The following CNNM1 variants were observed in gnomAD, a reference collection of about 807,000 sequenced individuals.
CNNM1 encodes the protein cyclin and CBS domain divalent metal cation transport mediator 1, also known as metal transporter CNNM1.
Under a neutral mutation model 78.8 loss-of-function variants are expected in CNNM1, and 44 were observed. The ratio of observed to expected loss-of-function variants is 0.56; its 90% CI spans 0.44 to 0.72. The LOEUF is 0.72. Among genes scored for constraint, CNNM1 ranks in the 30% least tolerant of loss-of-function variants. CNNM1 has a pLI of 0.00. For missense variants in CNNM1, 1,101 were observed against 1,292.2 expected, an observed-to-expected ratio of 0.85 and a Z score of 2.27; for synonymous variants, 584 against 581.5, an observed-to-expected ratio of 1.00 and a Z score of -0.06.
At position 99,364,450 on chromosome 10, in the gene CNNM1, C is replaced by G. The variant is rs1170486020; in HGVS notation, c.2062C>G (p.Leu688Val). 6.2e-7 allele frequency: 1 copy of G among 1,612,004 alleles called. No homozygotes were observed. The highest frequency in any genetic ancestry group is 1.3e-5 in the African/African-American group (1 of 74,784). ...GGAGGTGGAGGTTGGTAAGGAAGGC[C>G]TTCGCTTTGAAAATGGAGCCTTTAC... ...KVEVEVGKEG[L>V]RFENGAFTYY... The change falls in exon 5 of 11, where the codon CTT (leucine) becomes GTT (valine). Residue 688 changes from leucine (L) to valine (V), a missense_variant. By Grantham distance (32) the Leu-to-Val change is conservative. Transcript: ENST00000356713.
chr10:99,346,042 T>G (rs2030680738), intron 1 of CNNM1, among the ~76,000 whole-genome samples: 2 of 151,938 alleles, frequency 1.3e-5, no homozygotes, highest in Admixed American at 6.6e-5. Flanking sequence ...GACATAGTAG[T>G]GGGAAAGAAG....
rs751849944 is a variant in CNNM1 at position 99,330,414 on chromosome 10, C to A, written c.1027C>A (p.Pro343Thr). 10 of 1,593,746 alleles carry A rather than the reference C, an allele frequency of 6.3e-6. No individual in the cohort carries two copies. In the African/African-American group the frequency reaches 9.4e-5, roughly 15 times the overall value. ...GGTATTCCTGGGCGCCGAAATCTGC[C>A]CCTACTCAGTGTGTTCGCGGCACGG... ...GAVFLGAEIC[P>T]YSVCSRHGLA... Residue 343 changes from proline (P) to threonine (T), a missense_variant, in exon 1 of 11, where the codon CCC becomes ACC. By Grantham distance (38) the Pro-to-Thr change is conservative. Transcript: ENST00000356713.
chr10:99,347,599 A>ACACACACACACACACACACACAC (rs1564942665), intron 1 of CNNM1, among the ~76,000 whole-genome samples: 45 of 151,714 alleles, frequency 3.0e-4, no homozygotes, highest in East Asian at 7.7e-4. Context: ...ACACACACAC[A>ACACACACACACACACACACACAC]AATGTTGCAA....
Position 99,388,240 on chromosome 10 carries a change from CT to C in CNNM1, c.2615del (p.Phe872SerfsTer51). ...LAFTQEEMTD[F>X]EEHSTQQLTL... The stretch of plus-strand genomic sequence containing the variant: ...CCTTCACCCAGGAAGAAATGACTGA[CT>C]TCGAGGAGCACAGCACACAGCAGCT... On this transcript the variant is annotated frameshift_variant, in exon 9 of 11. Transcript: ENST00000356713. LOFTEE classifies it high-confidence loss of function. 6.2e-7 allele frequency: 1 copy of C among 1,613,998 alleles called. No homozygotes were observed. The highest frequency in any genetic ancestry group is 8.5e-7 in the Non-Finnish European group (1 of 1,179,902).
chr10:99,337,512 T>C (rs965784421), intron 1 of CNNM1, among the ~76,000 whole-genome samples: 2 of 152,242 alleles, frequency 1.3e-5, no homozygotes, highest in African/African-American at 4.8e-5. Context: ...CCTGACTAAT[T>C]CATTGCCAGC....
chr10:99,357,679 C>A, intron 2 of CNNM1, 24 bp downstream of exon 2: 1 of 1,555,926 alleles, frequency 6.4e-7, no homozygotes, highest in Non-Finnish European at 8.7e-7. Context: ...CTTGGCTGTT[C>A]TCCAGGGTCA....
chr10:99,379,419 A>G (rs1378317077), intron 7 of CNNM1, among the ~76,000 whole-genome samples: 2 of 152,204 alleles, frequency 1.3e-5, no homozygotes, highest in South Asian at 2.1e-4. Flanking sequence ...GTTATCAGAC[A>G]GGCCGAGAAA....
chr10:99,393,146 T>G lies in CNNM1; in HGVS notation c.*1630T>G, dbSNP rs1403543719. Reference sequence around the variant, plus strand: ...CTGAACTCATTGATCGAGTGCTGTCTGCTAAATCTCCAAACCATTCCCAAA... The same window carrying G: ...CTGAACTCATTGATCGAGTGCTGTCGGCTAAATCTCCAAACCATTCCCAAA... On this transcript the variant is annotated 3_prime_UTR_variant, in exon 11 of 11. Transcript: ENST00000356713. 3 of 152,334 alleles carry G rather than the reference T, an allele frequency of 2.0e-5. No homozygotes were observed. The highest frequency in any genetic ancestry group is 4.4e-5 in the Non-Finnish European group (3 of 68,068). The allele number at this position is 152,334 out of a possible 1,614,324, so 9.4% of individuals were successfully genotyped here.
chr10:99,349,740 C>A (rs756146834), intron 1 of CNNM1, among the ~76,000 whole-genome samples: 22 of 152,194 alleles, frequency 1.4e-4, no homozygotes, highest in Non-Finnish European at 2.9e-5. Context: ...GTGGCTCACG[C>A]CCGTAATCCC....
intron 1 of CNNM1, among the ~76,000 whole-genome samples, chr10:99,356,580 G>GAAAAGA (rs369960532): frequency 6.2e-4 from 34 of 54,788 alleles, no homozygotes; most frequent in South Asian, 2.6e-3. Context: ...AAGAAAGAAA[G>GAAAAGA]AAAGAAAGAA....
intron 1 of CNNM1, among the ~76,000 whole-genome samples, chr10:99,350,157 G>T (rs545268051): frequency 6.6e-6 from 1 of 152,150 alleles, no homozygotes; most frequent in Admixed American, 6.5e-5. Context: ...ATTTCCATTG[G>T]TACCAAGTGA....
intron 1 of CNNM1, among the ~76,000 whole-genome samples, chr10:99,353,893 G>A (rs912117925): frequency 3.9e-5 from 6 of 152,160 alleles, no homozygotes; most frequent in African/African-American, 1.4e-4. Context: ...ATAACATAGT[G>A]TGTCCTCAAA....
chr10:99,332,154 C>T (rs1258866969), intron 1 of CNNM1, among the ~76,000 whole-genome samples: 1 of 152,172 alleles, frequency 6.6e-6, no homozygotes. Context: ...AGAGTCAACA[C>T]TGAGAGCATT....
At chr10:99,330,993 T>C in intron 1 of CNNM1, 33 bp downstream of exon 1, 1 of 1,567,832 alleles carries the variant, frequency 6.4e-7, no homozygotes, top group Non-Finnish European at 8.6e-7. Flanking sequence ...CCCCAACTCC[T>C]ATCCCCTTCA....
chr10:99,343,759 G>C (rs957445521), intron 1 of CNNM1, among the ~76,000 whole-genome samples: 7 of 152,022 alleles, frequency 4.6e-5, no homozygotes, highest in African/African-American at 1.7e-4. Flanking sequence ...CTGTCGCCCA[G>C]GCTGGAGTGC....
rs757259018 is a variant in CNNM1 at position 99,330,275 on chromosome 10, CCTGG to C, written c.900_903del (p.Trp300CysfsTer61). 1.0e-5 allele frequency: 16 copies of C among 1,567,888 alleles called. No individual in the cohort carries two copies. The highest frequency in any genetic ancestry group is 5.5e-5 in the Admixed American group (3 of 54,598). On this transcript the variant is annotated frameshift_variant, in exon 1 of 11. Transcript: ENST00000356713. LOFTEE classifies it high-confidence loss of function. ...TGGGCCAAGCCGGAGCCAACGCGGC[CCTGG>C]CTGGCTGGCTGTACACCTCGCTGCC...
At chr10:99,333,444 A>G (rs531542817) in intron 1 of CNNM1, among the ~76,000 whole-genome samples, 1 of 152,246 alleles carries the variant, frequency 6.6e-6, no homozygotes, top group South Asian at 2.1e-4. Flanking sequence ...TCCTGGGTTC[A>G]AGTGATTCTT....
At chr10:99,346,213 C>T (rs1420974014) in intron 1 of CNNM1, among the ~76,000 whole-genome samples, 1 of 152,044 alleles carries the variant, frequency 6.6e-6, no homozygotes, top group Non-Finnish European at 1.5e-5. Context: ...TTTTAGTGTA[C>T]AAGATGTATT....
At chr10:99,347,576 A>AACACACACACAGAC (rs2030750018) in intron 1 of CNNM1, among the ~76,000 whole-genome samples, 1 of 140,802 alleles carries the variant, frequency 7.1e-6, no homozygotes. Context: ...ACCTTTTTGC[A>AACACACACACAGAC]ACACACACAC....
Sources: allele counts gnomAD v4.1 joint callset (sites outside exome capture counted in the v4.1 genomes callset), GRCh38; gene constraint gnomAD v4.1.1; transcripts MANE v1.5; gene names NCBI Gene and HGNC (gene_info 2026-07-23, HGNC 2026-07-21).